RGS6: variants seen among roughly 807,000 people sequenced by gnomAD.
The protein encoded by RGS6 is regulator of G-protein signaling 6.
RGS6 carries 30 observed loss-of-function variants against 78.5 expected under a neutral mutation model. The ratio of observed to expected loss-of-function variants is 0.38; its 90% CI spans 0.29 to 0.52. RGS6 has a LOEUF of 0.52. RGS6 is among the 20% of genes least tolerant of loss of function. RGS6 has a pLI of 0.85. For synonymous variants in RGS6, 206 were observed against 206.0 expected (o/e 1.00, Z 0.00); for missense variants, 495 against 609.7 (o/e 0.81, Z 1.98).
At chr14:72,019,498 G>C (rs1287544302) in intron 2 of RGS6, among the ~76,000 whole-genome samples, 1 of 152,182 alleles carries the variant, frequency 6.6e-6, no homozygotes, top group Non-Finnish European at 1.5e-5. Context: ...TGCACCATTA[G>C]CACTTCCTTC....
chr14:72,224,247 C>T lies in RGS6; in HGVS notation c.85-127848C>T, dbSNP rs149338579. Among the ~76,000 whole-genome samples the T allele has an allele frequency of 9.2e-5, 14 of 152,100 alleles. No individual in the cohort carries two copies. In the East Asian group the frequency reaches 2.7e-3, roughly 29 times the overall value. On this transcript the variant is annotated intron_variant, in intron 2 of 17. Transcript: ENST00000553525. Reference sequence around the variant, plus strand: ...CAGCCTGGGCAACATGGTGAAACCCCATCTCTACAAAAAAGTGCAAAAATT... The same window carrying T: ...CAGCCTGGGCAACATGGTGAAACCCTATCTCTACAAAAAAGTGCAAAAATT...
the RGS6 span, among the ~76,000 whole-genome samples, chr14:72,611,850 C>T: frequency 6.6e-6 from 1 of 152,130 alleles, no homozygotes; most frequent in East Asian, 1.9e-4. Flanking sequence ...TTGTCTTCTA[C>T]TGAGGAACAC....
chr14:72,359,440 A>G (rs1472851817), intron 3 of RGS6, among the ~76,000 whole-genome samples: 4 of 152,324 alleles, frequency 2.6e-5, no homozygotes, highest in South Asian at 2.1e-4. Context: ...TTTTAGGTCA[A>G]GTTTTAGCGA....
intron 2 of RGS6, among the ~76,000 whole-genome samples, chr14:72,266,827 A>G (rs1379195436): frequency 1.3e-5 from 2 of 152,144 alleles, no homozygotes; most frequent in African/African-American, 4.8e-5. Context: ...TAAGACCAGG[A>G]GTGGTTCCCA....
chr14:72,128,602 C>T (rs17107825), intron 2 of RGS6, among the ~76,000 whole-genome samples: 75,004 of 151,814 alleles, frequency 0.49, 19,048 homozygotes, highest in Non-Finnish European at 0.55. Context: ...CATTATATAC[C>T]CTTATGCCCT....
chr14:72,336,260 C>G (rs1042744091), intron 2 of RGS6, among the ~76,000 whole-genome samples: 2 of 152,184 alleles, frequency 1.3e-5, no homozygotes, highest in Non-Finnish European at 2.9e-5. Flanking sequence ...CTACTCTAAT[C>G]ATGCCACTTC....
intron 2 of RGS6, among the ~76,000 whole-genome samples, chr14:72,251,000 A>C (rs1050763449): frequency 1.3e-5 from 2 of 152,236 alleles, no homozygotes; most frequent in African/African-American, 4.8e-5. Flanking sequence ...CAGAAAGGCC[A>C]GATAGCTGAA....
intron 17 of RGS6, among the ~76,000 whole-genome samples, chr14:72,555,320 G>A (rs2097557757): frequency 6.6e-6 from 1 of 152,224 alleles, no homozygotes; most frequent in Non-Finnish European, 1.5e-5. Context: ...ACCAAGCCAT[G>A]GTGACCTGCA....
At chr14:72,593,675 C>T in the RGS6 span, among the ~76,000 whole-genome samples, 2 of 152,210 alleles carry the variant, frequency 1.3e-5, no homozygotes, top group Admixed American at 1.3e-4. Context: ...CCGTGAGCCA[C>T]CGTGCCCAAC....
intron 2 of RGS6, among the ~76,000 whole-genome samples, chr14:72,109,888 G>A (rs1429900023): frequency 6.6e-6 from 1 of 152,164 alleles, no homozygotes; most frequent in Admixed American, 6.5e-5. Flanking sequence ...ATACCACACA[G>A]TACTTTGAGA....
intron 15 of RGS6, among the ~76,000 whole-genome samples, chr14:72,525,448 C>G (rs943862375): frequency 6.6e-6 from 1 of 152,120 alleles, no homozygotes; most frequent in Non-Finnish European, 1.5e-5. Flanking sequence ...ATGCTCAAGG[C>G]CAGAATGAGG....
intron 3 of RGS6, among the ~76,000 whole-genome samples, chr14:72,413,140 G>A (rs374043832): frequency 1.2e-3 from 185 of 152,194 alleles, no homozygotes; most frequent in African/African-American, 3.5e-3. Flanking sequence ...TTTCTGTCTC[G>A]TTGATCTGTC....
At chr14:72,206,481 T>TCA (rs1302735102) in intron 2 of RGS6, among the ~76,000 whole-genome samples, 3 of 151,838 alleles carry the variant, frequency 2.0e-5, no homozygotes, top group East Asian at 1.9e-4. Flanking sequence ...TGTGTGTGTG[T>TCA]CACACACACA....
intron 2 of RGS6, among the ~76,000 whole-genome samples, chr14:71,996,561 T>C (rs2095213960): frequency 6.6e-6 from 1 of 152,052 alleles, no homozygotes; most frequent in African/African-American, 2.4e-5. Flanking sequence ...AACTGGGGGA[T>C]CATCAGACTT....
chr14:71,945,536 C>T (rs1595018673), intron 1 of RGS6, among the ~76,000 whole-genome samples: 1 of 152,170 alleles, frequency 6.6e-6, no homozygotes, highest in South Asian at 2.1e-4. Flanking sequence ...TTTGTTTGTA[C>T]ATTACACAGA....
At chr14:72,321,840 G>T (rs1342685854) in intron 2 of RGS6, among the ~76,000 whole-genome samples, 1 of 151,904 alleles carries the variant, frequency 6.6e-6, no homozygotes, top group Non-Finnish European at 1.5e-5. Context: ...ATCTATCCCT[G>T]AAAACTAAAA....
chr14:72,111,995 A>G lies in RGS6; in HGVS notation c.84+147120A>G, dbSNP rs370140485. ...TACTTTTCTCCTTGGCTACAGTGCA[A>G]TTTGGCTCTTTGGTTTAATCCCCTT... On this transcript the variant is annotated intron_variant, in intron 2 of 17. Coordinates refer to ENST00000553525, the MANE Select transcript of RGS6 (RefSeq NM_001204424.2). 5.1e-4 allele frequency among the ~76,000 whole-genome samples: 78 copies of G among 152,280 alleles called. 2 individuals carry two copies. The highest frequency in any genetic ancestry group is 3.7e-3 in the East Asian group (19 of 5,180).
the RGS6 span, among the ~76,000 whole-genome samples, chr14:72,598,601 G>A: frequency 6.6e-6 from 1 of 152,218 alleles, no homozygotes; most frequent in Non-Finnish European, 1.5e-5. Context: ...AAGACAGAGA[G>A]ACAGGCTTGC....
At chr14:72,429,145 T>G (rs566820800) in intron 3 of RGS6, among the ~76,000 whole-genome samples, 2 of 152,300 alleles carry the variant, frequency 1.3e-5, no homozygotes, top group Admixed American at 1.3e-4. Flanking sequence ...GAGGTTGTAG[T>G]GAGCCAAGAT....
Sources: gnomAD v4.1 joint callset for allele counts (sites outside exome capture counted in the v4.1 genomes callset) on GRCh38, gnomAD v4.1.1 for gene constraint, MANE v1.5 for transcripts, NCBI Gene and HGNC (gene_info 2026-07-23, HGNC 2026-07-21) for gene names.